Variants in SPATA6L observed in about 807,000 individuals in gnomAD.
The protein encoded by SPATA6L is spermatogenesis associated 6-like protein.
Under a neutral mutation model 49.2 loss-of-function variants are expected in SPATA6L, and 68 were observed. That is an observed-to-expected ratio of 1.38 (90% CI 1.14 to 1.69). The LOEUF (loss-of-function observed/expected upper bound fraction) is 1.69, where lower values mean the gene tolerates loss of function less well. Ranked by LOEUF, SPATA6L falls within the 40% of genes most tolerant of loss-of-function variation. SPATA6L has a pLI of 0.00. For synonymous variants in SPATA6L, 198 were observed against 165.7 expected (o/e 1.19, Z -1.50); for missense variants, 668 against 464.3 (o/e 1.44, Z -4.03).
intron 9 of SPATA6L, among the ~76,000 whole-genome samples, chr9:4,611,504 C>G (rs868035688): frequency 7.0e-6 from 1 of 143,690 alleles, no homozygotes; most frequent in Admixed American, 6.7e-5. Context: ...TGTAGGGACA[C>G]GGATGAAATT....
chr9:4,618,398 G>A (rs188503027), intron 8 of SPATA6L, among the ~76,000 whole-genome samples: 27 of 152,258 alleles, frequency 1.8e-4, no homozygotes, highest in African/African-American at 6.3e-4. Context: ...GGGATTATTG[G>A]TCTGGGAAAA....
intron 2 of SPATA6L, among the ~76,000 whole-genome samples, chr9:4,657,026 A>G (rs1330427874): frequency 6.6e-5 from 10 of 152,214 alleles, no homozygotes; most frequent in African/African-American, 2.2e-4. Flanking sequence ...AAACATTGTA[A>G]TATCTGTCTA....
intron 8 of SPATA6L, 91 bp downstream of exon 8, chr9:4,618,773 A>G: frequency 8.4e-7 from 1 of 1,191,912 alleles, no homozygotes; most frequent in East Asian, 2.5e-5. Context: ...CAGACTAACT[A>G]GAAATATCCA....
intron 9 of SPATA6L, among the ~76,000 whole-genome samples, chr9:4,608,004 G>C (rs551580814): frequency 1.7e-5 from 2 of 120,632 alleles, no homozygotes. Flanking sequence ...CCTAGTCTCG[G>C]ATAAAACAGA....
Position 4,662,369 on chromosome 9 carries a change from A to C in SPATA6L, c.40-333T>G, listed in dbSNP as rs301487. The C allele has an allele frequency of 0.51, 760,959 of 1,499,336 alleles. 202,091 individuals are homozygous for C. Among genetic ancestry groups the C allele is most frequent in the African/African-American group, 0.86 (61,253 of 71,400 alleles). 92.9% of individuals were successfully genotyped at this position (1,499,336 alleles called of 1,614,324 possible). ...GCCAGGTCCCGGGATCCGGGCCGCC[A>C]GCTGCGATGCCAAGTCCCCGGAGGA... On this transcript the variant is annotated intron_variant, in intron 1 of 11. Coordinates refer to ENST00000682582, the MANE Select transcript of SPATA6L (RefSeq NM_001353486.2). This position sits in a 1 kb window ranked among gnomAD's most constrained non-coding sequence, Gnocchi z 4.9.
At chr9:4,590,915 A>G (rs1402742639) in intron 13 of SPATA6L, among the ~76,000 whole-genome samples, 1 of 152,176 alleles carries the variant, frequency 6.6e-6, no homozygotes, top group African/African-American at 2.4e-5. Context: ...GAAAGCCATT[A>G]CCAAGTGTTA....
At chr9:4,642,650 T>C (rs1038536325) in intron 3 of SPATA6L, among the ~76,000 whole-genome samples, 10 of 152,176 alleles carry the variant, frequency 6.6e-5, no homozygotes, top group African/African-American at 1.9e-4. Flanking sequence ...CAGTCCTCTT[T>C]GCTTTAGTTG....
chr9:4,606,437 G>T (rs566114463), intron 9 of SPATA6L, among the ~76,000 whole-genome samples: 1 of 55,590 alleles, frequency 1.8e-5, no homozygotes, highest in Non-Finnish European at 3.9e-5. Flanking sequence ...CTCCCAGTAC[G>T]CAGCTGGAGA....
At chr9:4,655,479 T>C (rs1186001035) in intron 3 of SPATA6L, among the ~76,000 whole-genome samples, 2 of 152,220 alleles carry the variant, frequency 1.3e-5, no homozygotes, top group African/African-American at 4.8e-5. Context: ...AAAAACAATT[T>C]TTATAAATAA....
In SPATA6L at chr9:4,662,256, G is replaced by C. The variant is rs948715321; in HGVS notation, c.40-220C>G. ...CGTCTCCACCAGGTGTCACAATCGC[G>C]CTCTCGCCGGCTCCTCTCCCCGCCC... On this transcript the variant is annotated intron_variant, in intron 1 of 11. Transcript: ENST00000682582. The surrounding 1 kb of genome is among the most constrained non-coding windows in gnomAD (Gnocchi z 4.9). 2.4e-5 allele frequency: 35 copies of C among 1,432,888 alleles called. 1 individual carries two copies. The highest frequency in any genetic ancestry group is 3.0e-5 in the Non-Finnish European group (33 of 1,099,002). 88.8% of individuals were successfully genotyped at this position (1,432,888 alleles called of 1,614,324 possible).
intron 5 of SPATA6L, chr9:4,626,467 C>T: frequency 1.5e-6 from 2 of 1,304,416 alleles, no homozygotes; most frequent in Non-Finnish European, 2.0e-6. Flanking sequence ...CAGCCCTTCT[C>T]CAGAGGTCTG....
At chr9:4,652,901 T>C (rs73393901) in intron 3 of SPATA6L, among the ~76,000 whole-genome samples, 5,149 of 146,304 alleles carry the variant, frequency 0.035, 279 homozygotes, top group African/African-American at 0.12. Flanking sequence ...TGGAAACACA[T>C]CCCACATTCA....
intron 4 of SPATA6L, chr9:4,632,956 A>G (rs1202901271): frequency 1.3e-5 from 2 of 152,264 alleles, no homozygotes; most frequent in African/African-American, 4.8e-5. Flanking sequence ...TGACACTTTT[A>G]TTGTATACAA....
chr9:4,610,130 C>G (rs1289543814), intron 9 of SPATA6L, among the ~76,000 whole-genome samples: 2 of 152,130 alleles, frequency 1.3e-5, no homozygotes, highest in Non-Finnish European at 2.9e-5. Context: ...TAAACCACTG[C>G]TCAATGAAAT....
chr9:4,630,143 G>C (rs1359770402), intron 4 of SPATA6L, among the ~76,000 whole-genome samples: 1 of 152,044 alleles, frequency 6.6e-6, no homozygotes, highest in Non-Finnish European at 1.5e-5. Context: ...CTCAGGGTGA[G>C]GGTGAGGAAG....
intron 9 of SPATA6L, among the ~76,000 whole-genome samples, chr9:4,611,419 C>G (rs955402158): frequency 1.3e-5 from 2 of 149,238 alleles, no homozygotes; most frequent in East Asian, 3.9e-4. Context: ...GAATGATAGA[C>G]TGGATTAAGA....
chr9:4,618,914 A>T lies in SPATA6L; in HGVS notation c.773-16T>A, dbSNP rs1828630129. 21 of 1,612,930 alleles carry T rather than the reference A, an allele frequency of 1.3e-5. No homozygotes were observed. In the East Asian group the frequency reaches 4.2e-4, roughly 33 times the overall value. On this transcript the variant is annotated splice_polypyrimidine_tract_variant and intron_variant, in intron 7 of 11. Transcript: ENST00000682582. ...AGAGAAGAAGCTAGAAGAAAGAGGA[A>T]CAGGCATTTCAATGACTCATTATTA...
intron 5 of SPATA6L, chr9:4,626,005 C>T (rs183831235): frequency 6.1e-4 from 96 of 156,640 alleles, no homozygotes; most frequent in Middle Eastern, 6.7e-3. Context: ...TAAGCAATTG[C>T]GCTCAGTTGC....
At chr9:4,618,156 G>A (rs1045317344) in intron 8 of SPATA6L, 46 bp from the exon 9 acceptor site, 5 of 1,545,052 alleles carry the variant, frequency 3.2e-6, no homozygotes, top group Middle Eastern at 3.4e-4. Context: ...GCTTCTGTTT[G>A]CTTAATTTAG....
Sources: gnomAD v4.1 joint callset for allele counts (sites outside exome capture counted in the v4.1 genomes callset) on GRCh38, gnomAD v4.1.1 for gene constraint, Gnocchi (gnomAD v3.1) non-coding constraint, MANE v1.5 for transcripts, NCBI Gene and HGNC (gene_info 2026-07-23, HGNC 2026-07-21) for gene names.